Variants in GPR39 observed in about 807,000 individuals in gnomAD.
GPR39 encodes the protein zinc sensing receptor.
Under a neutral mutation model 18.4 loss-of-function variants are expected in GPR39, and 23 were observed. The ratio of observed to expected loss-of-function variants is 1.25; its 90% CI spans 0.90 to 1.77. The LOEUF (loss-of-function observed/expected upper bound fraction) is 1.77. Among genes scored for constraint, GPR39 ranks in the 40% most tolerant of loss-of-function variants. The probability of loss-of-function intolerance (pLI) is 0.00; values close to 1 mark genes in which losing one functional copy is unlikely to be tolerated. For missense variants in GPR39, 647 were observed against 602.4 expected, an observed-to-expected ratio of 1.07 and a Z score of -0.78; for synonymous variants, 280 against 257.9, an observed-to-expected ratio of 1.09 and a Z score of -0.82.
intron 1 of GPR39, among the ~76,000 whole-genome samples, chr2:132,612,719 C>T (rs561148042): frequency 6.6e-6 from 1 of 152,342 alleles, no homozygotes; most frequent in East Asian, 1.9e-4. Context: ...ACACCATCTT[C>T]ATTATTGTAA....
At chr2:132,553,248 C>T (rs1033125059) in intron 1 of GPR39, among the ~76,000 whole-genome samples, 7 of 151,230 alleles carry the variant, frequency 4.6e-5, no homozygotes, top group South Asian at 2.1e-4. Context: ...TTGGTATCCT[C>T]GGGAGGTCCT....
At chr2:132,527,887 T>C (rs887495685) in intron 1 of GPR39, among the ~76,000 whole-genome samples, 2 of 151,614 alleles carry the variant, frequency 1.3e-5, no homozygotes, top group Non-Finnish European at 2.9e-5. Context: ...CTGATGATAG[T>C]TTTTTTTGTT....
chr2:132,452,551 A>T (rs769576188), intron 1 of GPR39, among the ~76,000 whole-genome samples: 1 of 152,076 alleles, frequency 6.6e-6, no homozygotes, highest in Non-Finnish European at 1.5e-5. Context: ...ATAGGTATAC[A>T]TGTGCCATGT....
chr2:132,438,573 CTTTTT>C (rs35614907), intron 1 of GPR39, among the ~76,000 whole-genome samples: 19,931 of 97,458 alleles, frequency 0.2, 1,215 homozygotes, highest in Admixed American at 0.23. Context: ...TGTCAGCAAG[CTTTTT>C]TTTTTTTTTT....
At chr2:132,576,644 T>G (rs543959028) in intron 1 of GPR39, among the ~76,000 whole-genome samples, 26 of 152,064 alleles carry the variant, frequency 1.7e-4, no homozygotes, top group African/African-American at 5.8e-4. Context: ...CAGAGCAAGA[T>G]TCTGTCACCA....
At chr2:132,633,338 C>CTGTGTG (rs55722602) in intron 1 of GPR39, among the ~76,000 whole-genome samples, 2,441 of 139,156 alleles carry the variant, frequency 0.018, 51 homozygotes, top group African/African-American at 0.047. Context: ...CCAAATACCT[C>CTGTGTG]TGTGTGTGTG....
intron 1 of GPR39, among the ~76,000 whole-genome samples, chr2:132,433,542 T>C (rs1201370604): frequency 6.6e-6 from 1 of 151,894 alleles, no homozygotes. Flanking sequence ...GTGCCACTAG[T>C]GGTGCTGGAA....
intron 1 of GPR39, among the ~76,000 whole-genome samples, chr2:132,522,709 C>T (rs1679447051): frequency 6.6e-6 from 1 of 152,138 alleles, no homozygotes; most frequent in Non-Finnish European, 1.5e-5. Flanking sequence ...CAGAGCACAG[C>T]CTTCTTGTCT....
chr2:132,639,980 C>A (rs1451151996), intron 1 of GPR39, among the ~76,000 whole-genome samples: 1 of 152,042 alleles, frequency 6.6e-6, no homozygotes, highest in East Asian at 1.9e-4. Context: ...ATCCAGTGTT[C>A]TAAGTAGTAT....
At chr2:132,477,104 C>G (rs1293822324) in intron 1 of GPR39, among the ~76,000 whole-genome samples, 1 of 152,116 alleles carries the variant, frequency 6.6e-6, no homozygotes, top group East Asian at 1.9e-4. Context: ...TTACATGGAC[C>G]CAGTGGGAAT....
At chr2:132,551,925 A>G (rs1281050953) in intron 1 of GPR39, among the ~76,000 whole-genome samples, 2 of 152,340 alleles carry the variant, frequency 1.3e-5, no homozygotes, top group East Asian at 3.9e-4. Flanking sequence ...TGAGAAAATA[A>G]GAAAAAACAT....
At chr2:132,443,097 A>T (rs1170501618) in intron 1 of GPR39, among the ~76,000 whole-genome samples, 1 of 152,220 alleles carries the variant, frequency 6.6e-6, no homozygotes, top group Non-Finnish European at 1.5e-5. Context: ...AATTTAATGT[A>T]ATTTGAATTT....
intron 1 of GPR39, among the ~76,000 whole-genome samples, chr2:132,584,150 G>A (rs1680679682): frequency 6.6e-6 from 1 of 152,088 alleles, no homozygotes; most frequent in African/African-American, 2.4e-5. Flanking sequence ...GTACCCATGC[G>A]GCAGAGACCA....
rs567437735 is a variant in GPR39 at position 132,611,964 on chromosome 2, T to G, written c.857-33137T>G. On this transcript the variant is annotated intron_variant, in intron 1 of 1. Coordinates refer to ENST00000329321, the MANE Select transcript of GPR39 (RefSeq NM_001508.3). Reference sequence around the variant, plus strand: ...CGGAGCTTCTCATCTACACCCATACTTAATATTGCAGAAAAAGCCAAGCAA... The same window carrying G: ...CGGAGCTTCTCATCTACACCCATACGTAATATTGCAGAAAAAGCCAAGCAA... 5.9e-5 allele frequency among the ~76,000 whole-genome samples: 9 copies of G among 152,302 alleles called. No individual in the cohort carries two copies. The South Asian group carries it at 1.5e-3, about 25-fold the overall frequency.
chr2:132,445,032 T>A (rs1159308683), intron 1 of GPR39, among the ~76,000 whole-genome samples: 1 of 152,180 alleles, frequency 6.6e-6, no homozygotes, highest in Non-Finnish European at 1.5e-5. Flanking sequence ...CTACCGCCCA[T>A]CCATTCCCTT....
At position 132,423,317 on chromosome 2, in the gene GPR39, CTCT is replaced by C. The variant is rs569622004; in HGVS notation, c.856+5424_856+5426del. 2.7e-4 allele frequency among the ~76,000 whole-genome samples: 40 copies of C among 150,318 alleles called. 1 individual carries two copies. The South Asian group carries it at 8.4e-3, about 32-fold the overall frequency. Reference sequence around the variant, plus strand: ...ACATGTGTTCTCCTGGTGTCTCTTGCTCTTCTTATAAGGATGCTGGTCTTATCA... The same window carrying C: ...ACATGTGTTCTCCTGGTGTCTCTTGCTCTTATAAGGATGCTGGTCTTATCA... On this transcript the variant is annotated intron_variant, in intron 1 of 1. Coordinates refer to ENST00000329321, the MANE Select transcript of GPR39 (RefSeq NM_001508.3).
At chr2:132,488,223 A>G (rs1203396832) in intron 1 of GPR39, among the ~76,000 whole-genome samples, 3 of 152,202 alleles carry the variant, frequency 2.0e-5, no homozygotes, top group Non-Finnish European at 2.9e-5. Flanking sequence ...TTTTTCTCCA[A>G]ATTAAAAATG....
chr2:132,600,687 A>G (rs1416727889), intron 1 of GPR39, among the ~76,000 whole-genome samples: 1 of 152,208 alleles, frequency 6.6e-6, no homozygotes, highest in Non-Finnish European at 1.5e-5. Context: ...ACAGACCAAC[A>G]ATGAGTAACA....
At chr2:132,591,108 G>A (rs1680828350) in intron 1 of GPR39, among the ~76,000 whole-genome samples, 1 of 150,596 alleles carries the variant, frequency 6.6e-6, no homozygotes, top group Non-Finnish European at 1.5e-5. Context: ...AAAATTAGCC[G>A]GGCGCGGTGG....
Sources: gnomAD v4.1 joint callset for allele counts (sites outside exome capture counted in the v4.1 genomes callset) on GRCh38, gnomAD v4.1.1 for gene constraint, MANE v1.5 for transcripts, NCBI Gene and HGNC (gene_info 2026-07-23, HGNC 2026-07-21) for gene names.